Variants in CSMD1 observed in about 807,000 individuals in gnomAD.
CSMD1 encodes the protein CUB and Sushi multiple domains 1.
Under a neutral mutation model 417.5 loss-of-function variants are expected in CSMD1, and 213 were observed. That is an observed-to-expected ratio of 0.51 (90% CI 0.46 to 0.57). The LOEUF is 0.57. CSMD1 is among the 20% of genes least tolerant of loss of function. CSMD1 has a pLI of 0.00. For missense variants in CSMD1, 6,923 were observed against 4,529.7 expected (o/e 1.53, Z -15.17); for synonymous variants, 2,862 against 1,736.8 (o/e 1.65, Z -16.11).
At chr8:4,760,073 G>A (rs145510516) in intron 1 of CSMD1, among the ~76,000 whole-genome samples, 3,023 of 152,214 alleles carry the variant, frequency 0.02, 53 homozygotes, top group Middle Eastern at 0.054. Context: ...TCCAGCACCT[G>A]TTGTTTCTAG....
chr8:4,871,097 G>A (rs567672243), intron 1 of CSMD1, among the ~76,000 whole-genome samples: 1 of 152,262 alleles, frequency 6.6e-6, no homozygotes, highest in African/African-American at 2.4e-5. Flanking sequence ...GGCCATGGGA[G>A]GAGGCAGTAG....
At chr8:4,978,984 G>C (rs149395408) in intron 1 of CSMD1, among the ~76,000 whole-genome samples, 2 of 152,144 alleles carry the variant, frequency 1.3e-5, no homozygotes, top group African/African-American at 4.8e-5. Context: ...TCTGGAGAAA[G>C]TAGTAGCAAA....
intron 8 of CSMD1, among the ~76,000 whole-genome samples, chr8:3,614,613 T>A (rs1176245851): frequency 6.6e-6 from 1 of 152,224 alleles, no homozygotes; most frequent in African/African-American, 2.4e-5. Context: ...GAATTTGATA[T>A]TCTCAGATAT....
intron 3 of CSMD1, among the ~76,000 whole-genome samples, chr8:4,042,423 C>A (rs1023112188): frequency 5.3e-5 from 8 of 152,080 alleles, no homozygotes; most frequent in African/African-American, 1.4e-4. Context: ...AGCAAAACAA[C>A]CATCAATCTA....
intron 1 of CSMD1, among the ~76,000 whole-genome samples, chr8:4,752,323 T>G (rs182715276): frequency 1.3e-4 from 20 of 152,316 alleles, no homozygotes; most frequent in Admixed American, 1.3e-3. Flanking sequence ...TTGAAATTGC[T>G]TTATGTATTT....
chr8:3,389,086 G>A (rs2116819312), intron 17 of CSMD1, among the ~76,000 whole-genome samples: 1 of 152,296 alleles, frequency 6.6e-6, no homozygotes, highest in South Asian at 2.1e-4. Flanking sequence ...AAAACCCAGT[G>A]CTGGGTGAAT....
chr8:3,764,759 T>A (rs1200633512), intron 5 of CSMD1, among the ~76,000 whole-genome samples: 36 of 103,868 alleles, frequency 3.5e-4, no homozygotes, highest in Admixed American at 1.8e-3. Context: ...TTTTTTTTTT[T>A]ATTTTGAGAG....
Position 3,488,451 on chromosome 8 carries a change from T to C in CSMD1, c.1448+5172A>G, listed in dbSNP as rs550045483. Among the ~76,000 whole-genome samples, 145 of 152,270 alleles carry C rather than the reference T, an allele frequency of 9.5e-4. 1 individual carries two copies. In the Middle Eastern group the frequency reaches 0.014, roughly 14 times the overall value. On this transcript the variant is annotated intron_variant, in intron 11 of 69. Coordinates refer to ENST00000635120, the MANE Select transcript of CSMD1 (RefSeq NM_033225.6). ...CTTTTACATTCAAGGCTAAAACCGA[T>C]AGATAAATGTATCTGGAAGATAGTA...
intron 48 of CSMD1, 124 bp downstream of exon 48, chr8:3,091,392 G>T: frequency 1.6e-6 from 1 of 630,108 alleles, no homozygotes; most frequent in Non-Finnish European, 2.4e-6. Context: ...TATTTCTACT[G>T]TAGTTAATTA....
In CSMD1 at chr8:4,436,321, A is replaced by G. The variant is rs190407472; in HGVS notation, c.303-16256T>C. On this transcript the variant is annotated intron_variant, in intron 2 of 69. Coordinates refer to ENST00000635120, the MANE Select transcript of CSMD1 (RefSeq NM_033225.6). ...CATCTTATCTGTTTTTGTCACTATA[A>G]AAGGATACTGTCAATCTCTCCTTCT... Among the ~76,000 whole-genome samples, 136 of 152,316 alleles carry G rather than the reference A, an allele frequency of 8.9e-4. 1 individual carries two copies. The highest frequency in any genetic ancestry group is 3.2e-3 in the African/African-American group (131 of 41,582).
intron 7 of CSMD1, among the ~76,000 whole-genome samples, chr8:3,642,267 G>A (rs551888005): frequency 6.6e-6 from 1 of 152,158 alleles, no homozygotes; most frequent in African/African-American, 2.4e-5. Context: ...TTAAGGACTT[G>A]ACTAATAGTA....
intron 2 of CSMD1, among the ~76,000 whole-genome samples, chr8:4,597,191 G>A (rs922388040): frequency 5.3e-5 from 8 of 151,992 alleles, no homozygotes; most frequent in Non-Finnish European, 1.0e-4. Flanking sequence ...AACTTGTGAT[G>A]CTGATTGAAT....
At chr8:3,177,806 C>T (rs1439620126) in intron 37 of CSMD1, among the ~76,000 whole-genome samples, 2 of 152,140 alleles carry the variant, frequency 1.3e-5, no homozygotes, top group Non-Finnish European at 2.9e-5. Flanking sequence ...ATCCTGTACA[C>T]CTTGAGGTCA....
chr8:3,353,636 C>G (rs1212534901), intron 21 of CSMD1, among the ~76,000 whole-genome samples: 1 of 152,072 alleles, frequency 6.6e-6, no homozygotes, highest in Non-Finnish European at 1.5e-5. Context: ...AGTTAAGTGA[C>G]CAAAATTTCA....
intron 3 of CSMD1, among the ~76,000 whole-genome samples, chr8:4,333,195 C>G (rs1265688551): frequency 6.6e-6 from 1 of 152,166 alleles, no homozygotes; most frequent in Non-Finnish European, 1.5e-5. Flanking sequence ...TATCATGCCA[C>G]TCACAGTTCT....
intron 5 of CSMD1, among the ~76,000 whole-genome samples, chr8:3,823,709 C>T (rs886201250): frequency 6.2e-4 from 94 of 152,150 alleles, no homozygotes; most frequent in African/African-American, 2.1e-3. Context: ...ATTTAACTTA[C>T]GCTTGAATCA....
At chr8:4,632,167 A>C (rs1005002697) in intron 2 of CSMD1, among the ~76,000 whole-genome samples, 1 of 152,208 alleles carries the variant, frequency 6.6e-6, no homozygotes, top group Non-Finnish European at 1.5e-5. Flanking sequence ...GGTTCCGTGC[A>C]CAGTGGCAGG....
intron 3 of CSMD1, among the ~76,000 whole-genome samples, chr8:4,208,060 T>G (rs545445276): frequency 6.6e-6 from 1 of 152,330 alleles, no homozygotes; most frequent in East Asian, 1.9e-4. Context: ...AATTCACTTT[T>G]GTTCAGATAT....
intron 3 of CSMD1, among the ~76,000 whole-genome samples, chr8:4,218,645 C>T: frequency 6.6e-6 from 1 of 152,112 alleles, no homozygotes; most frequent in East Asian, 1.9e-4. Context: ...ACAGTGATTT[C>T]AGTATTAGTG....
Sources: allele counts gnomAD v4.1 joint callset (sites outside exome capture counted in the v4.1 genomes callset), GRCh38; gene constraint gnomAD v4.1.1; transcripts MANE v1.5; gene names NCBI Gene and HGNC (gene_info 2026-07-23, HGNC 2026-07-21).